The following EPHB1 variants were observed in gnomAD, a reference collection of about 807,000 sequenced individuals.
EPHB1 encodes ephrin type-B receptor 1.
Under a neutral mutation model 94.4 loss-of-function variants are expected in EPHB1, and 30 were observed. That is an observed-to-expected ratio of 0.32 (90% CI 0.24 to 0.43). EPHB1 has a LOEUF of 0.43. Among genes scored for constraint, EPHB1 ranks in the 20% least tolerant of loss-of-function variants. The pLI is 1.00. For missense variants in EPHB1, 1,055 were observed against 1,308.3 expected (o/e 0.81, Z 2.99); for synonymous variants, 522 against 489.1 (o/e 1.07, Z -0.89).
chr3:134,997,750 G>A (rs1935042192), intron 3 of EPHB1, among the ~76,000 whole-genome samples: 1 of 152,104 alleles, frequency 6.6e-6, no homozygotes, highest in African/African-American at 2.4e-5. Context: ...TAGAGGTCAT[G>A]CCTTCTTGTG....
chr3:135,247,167 A>G (rs1437476757), intron 13 of EPHB1, among the ~76,000 whole-genome samples: 10 of 152,220 alleles, frequency 6.6e-5, no homozygotes, highest in South Asian at 4.1e-4. Flanking sequence ...AAGCAAAGAG[A>G]AACACATGAA....
At chr3:135,225,603 C>A (rs1438906536) in intron 12 of EPHB1, among the ~76,000 whole-genome samples, 1 of 152,132 alleles carries the variant, frequency 6.6e-6, no homozygotes, top group Non-Finnish European at 1.5e-5. Flanking sequence ...CTATGACTCT[C>A]AAGATTCCAT....
chr3:134,889,067 C>G (rs763566327), intron 1 of EPHB1, among the ~76,000 whole-genome samples: 11 of 152,148 alleles, frequency 7.2e-5, no homozygotes, highest in Non-Finnish European at 1.5e-4. Context: ...AGATTTTCTG[C>G]TCAGTGCGAT....
Position 135,251,182 on chromosome 3 carries a change from C to CA in EPHB1, c.2846+1698dup, listed in dbSNP as rs563932073. On this transcript the variant is annotated intron_variant, in intron 15 of 15. Coordinates refer to ENST00000398015, the MANE Select transcript of EPHB1 (RefSeq NM_004441.5). ...AACTAGATTAATTTCCTGGTGATGC[C>CA]AAAAAAAGATGGTTCCTTCCATTAA... Among the ~76,000 whole-genome samples the CA allele has an allele frequency of 1.3e-4, 20 of 151,698 alleles. No individual in the cohort carries two copies. In the East Asian group the frequency reaches 2.3e-3, roughly 18 times the overall value.
intron 3 of EPHB1, among the ~76,000 whole-genome samples, chr3:134,974,129 C>A (rs1483977311): frequency 6.6e-6 from 1 of 152,118 alleles, no homozygotes; most frequent in African/African-American, 2.4e-5. Context: ...GGTCTCTGAC[C>A]ACACCCTAGT....
At chr3:134,866,616 A>G (rs1042694602) in intron 1 of EPHB1, among the ~76,000 whole-genome samples, 1 of 152,196 alleles carries the variant, frequency 6.6e-6, no homozygotes, top group African/African-American at 2.4e-5. Context: ...GCCCTTGCTG[A>G]TGTCTTTTTC....
intron 3 of EPHB1, among the ~76,000 whole-genome samples, chr3:135,099,334 CGGAT>C (rs979185011): frequency 1.8e-3 from 31 of 17,050 alleles, no homozygotes; most frequent in Admixed American, 4.5e-3. Context: ...GATGGATGGA[CGGAT>C]GGATGGATGG....
chr3:135,080,833 A>G (rs1351099165), intron 3 of EPHB1, among the ~76,000 whole-genome samples: 2 of 152,198 alleles, frequency 1.3e-5, no homozygotes, highest in Admixed American at 6.5e-5. Flanking sequence ...AATATGGCTA[A>G]GCCCTTAGCG....
At chr3:135,243,983 G>C (rs1032924481) in intron 13 of EPHB1, among the ~76,000 whole-genome samples, 2 of 152,076 alleles carry the variant, frequency 1.3e-5, no homozygotes, top group African/African-American at 4.8e-5. Context: ...CCAGTGCAAG[G>C]TCGACTAGGC....
chr3:135,122,224 A>G (rs1347524151), intron 4 of EPHB1, among the ~76,000 whole-genome samples: 3 of 152,232 alleles, frequency 2.0e-5, no homozygotes, highest in Non-Finnish European at 4.4e-5. Context: ...TCAAGGATCA[A>G]TGAATGATTA....
At chr3:134,820,383 G>A (rs762756695) in intron 1 of EPHB1, among the ~76,000 whole-genome samples, 2 of 152,204 alleles carry the variant, frequency 1.3e-5, no homozygotes, top group Non-Finnish European at 2.9e-5. Flanking sequence ...CTCTCTACCA[G>A]AGGGCTCAGA....
chr3:135,251,002 CA>C (rs779584969), intron 15 of EPHB1, among the ~76,000 whole-genome samples: 2 of 151,870 alleles, frequency 1.3e-5, no homozygotes, highest in African/African-American at 2.4e-5. Flanking sequence ...GACATTCCAA[CA>C]GTTTTCCTGC....
chr3:134,854,261 T>C (rs754046228), intron 1 of EPHB1, among the ~76,000 whole-genome samples: 2 of 152,110 alleles, frequency 1.3e-5, no homozygotes, highest in Non-Finnish European at 2.9e-5. Context: ...CTGCAGCCTC[T>C]TGTGAGTGGA....
intron 1 of EPHB1, among the ~76,000 whole-genome samples, chr3:134,903,301 C>T (rs1335402858): frequency 6.6e-6 from 1 of 152,194 alleles, no homozygotes; most frequent in East Asian, 1.9e-4. Flanking sequence ...CTCCTGCATT[C>T]CAGGCATCCC....
At chr3:134,891,791 A>T (rs1489179857) in intron 1 of EPHB1, among the ~76,000 whole-genome samples, 1 of 152,254 alleles carries the variant, frequency 6.6e-6, no homozygotes, top group Non-Finnish European at 1.5e-5. Flanking sequence ...GAAACTGTGT[A>T]TGAAGCATCC....
At chr3:135,252,107 T>G (rs1174981413) in intron 15 of EPHB1, among the ~76,000 whole-genome samples, 1 of 152,046 alleles carries the variant, frequency 6.6e-6, no homozygotes, top group Non-Finnish European at 1.5e-5. Flanking sequence ...GCAAAGTACT[T>G]GATCCATTAT....
At chr3:134,838,578 A>G (rs2108295810) in intron 1 of EPHB1, among the ~76,000 whole-genome samples, 1 of 152,258 alleles carries the variant, frequency 6.6e-6, no homozygotes. Context: ...TTAAAACCAC[A>G]TTCTCTCATG....
intron 1 of EPHB1, among the ~76,000 whole-genome samples, chr3:134,911,511 T>G (rs1456130384): frequency 1.3e-5 from 2 of 152,072 alleles, no homozygotes; most frequent in African/African-American, 4.8e-5. Flanking sequence ...CAGGGAAGAC[T>G]CCTGGGTAGA....
chr3:135,126,770 TTACTG>T (rs1296677621), intron 4 of EPHB1, among the ~76,000 whole-genome samples: 1 of 152,196 alleles, frequency 6.6e-6, no homozygotes, highest in African/African-American at 2.4e-5. Flanking sequence ...CTTTGATCCT[TTACTG>T]TATGTGTTCA....
Sources: gnomAD v4.1 joint callset for allele counts (sites outside exome capture counted in the v4.1 genomes callset) on GRCh38, gnomAD v4.1.1 for gene constraint, MANE v1.5 for transcripts, NCBI Gene and HGNC (gene_info 2026-07-23, HGNC 2026-07-21) for gene names.